Variants in MTRF1 observed in about 807,000 individuals in gnomAD.
The protein encoded by MTRF1 is peptide chain release factor 1, mitochondrial.
In MTRF1, 51 loss-of-function variants were observed where a neutral mutation model predicts 62.9. That is an observed-to-expected ratio of 0.81 (90% CI 0.65 to 1.02). MTRF1 has a LOEUF of 1.02. MTRF1 is among the 50% of genes least tolerant of loss of function. The probability of loss-of-function intolerance (pLI) is 0.00; values close to 1 mark genes in which losing one functional copy is unlikely to be tolerated. For synonymous variants in MTRF1, 158 were observed against 181.9 expected (o/e 0.87, Z 1.06); for missense variants, 446 against 530.0 (o/e 0.84, Z 1.56).
Position 41,238,890 on chromosome 13 carries a change from A to G in MTRF1, c.870+1371T>C, listed in dbSNP as rs149016357. On this transcript the variant is annotated intron_variant, in intron 6 of 9. Transcript: ENST00000379480. ...GCACAGAATGGAACATGTAGATATAACTTTCAACATAATACAGAGGATAAA... is the reference window on the plus strand; with the variant it reads ...GCACAGAATGGAACATGTAGATATAGCTTTCAACATAATACAGAGGATAAA... 3.0e-3 allele frequency among the ~76,000 whole-genome samples: 461 copies of G among 152,264 alleles called. 2 individuals are homozygous for G. The highest frequency in any genetic ancestry group is 0.014 in the Middle Eastern group (4 of 294).
intron 7 of MTRF1, among the ~76,000 whole-genome samples, chr13:41,228,460 G>A (rs1169504549): frequency 6.6e-6 from 1 of 152,148 alleles, no homozygotes; most frequent in Non-Finnish European, 1.5e-5. Context: ...CAGCTACTCA[G>A]GGGGCTGAGG....
chr13:41,306,151 G>C, the MTRF1 span, among the ~76,000 whole-genome samples: 1 of 152,156 alleles, frequency 6.6e-6, no homozygotes, highest in Admixed American at 6.5e-5. Flanking sequence ...GGGAGGCCGA[G>C]GTGGGCAGAT....
At chr13:41,218,227 C>T (rs573321547) in intron 9 of MTRF1, among the ~76,000 whole-genome samples, 5 of 151,708 alleles carry the variant, frequency 3.3e-5, no homozygotes, top group Admixed American at 1.3e-4. Context: ...GCAATCCTCC[C>T]ACCTTAGCTT....
At chr13:41,311,472 C>T in the MTRF1 span, 2 of 1,533,324 alleles carry the variant, frequency 1.3e-6, no homozygotes, top group Non-Finnish European at 1.8e-6. Flanking sequence ...CCCCGCGAAG[C>T]GGAGCGCCCG....
At chr13:41,273,170 C>CAAAA in the MTRF1 span, among the ~76,000 whole-genome samples, 1 of 151,860 alleles carries the variant, frequency 6.6e-6, no homozygotes, top group Non-Finnish European at 1.5e-5. Flanking sequence ...ACTAAAAATA[C>CAAAA]AAAAAATTAG....
At chr13:41,290,441 T>C in the MTRF1 span, among the ~76,000 whole-genome samples, 2 of 150,144 alleles carry the variant, frequency 1.3e-5, no homozygotes, top group Non-Finnish European at 3.0e-5. Context: ...TCACCCAGGC[T>C]GGAGTGCAGT....
chr13:41,307,479 C>T, the MTRF1 span, among the ~76,000 whole-genome samples: 1 of 152,088 alleles, frequency 6.6e-6, no homozygotes, highest in Non-Finnish European at 1.5e-5. Context: ...CAAAAATTAG[C>T]TGGGCATGGC....
intron 8 of MTRF1, among the ~76,000 whole-genome samples, chr13:41,224,420 C>T (rs2033980509): frequency 6.6e-6 from 1 of 152,214 alleles, no homozygotes; most frequent in Non-Finnish European, 1.5e-5. Flanking sequence ...AACTTATTGT[C>T]TTAAACCCTA....
chr13:41,274,616 T>A, the MTRF1 span, among the ~76,000 whole-genome samples: 1 of 151,810 alleles, frequency 6.6e-6, no homozygotes, highest in Non-Finnish European at 1.5e-5. Flanking sequence ...GGCTGGAATG[T>A]TTACTCCACG....
intron 9 of MTRF1, among the ~76,000 whole-genome samples, chr13:41,219,948 A>G (rs2032878832): frequency 1.4e-5 from 2 of 145,240 alleles, no homozygotes; most frequent in South Asian, 4.5e-4. Context: ...TAGCGAGCTG[A>G]GATCACACCA....
chr13:41,259,463 G>A (rs113918090), intron 2 of MTRF1, among the ~76,000 whole-genome samples: 7,533 of 152,166 alleles, frequency 0.05, 237 homozygotes, highest in Non-Finnish European at 0.076. Context: ...ACATTGGGAG[G>A]CCAAGGTGGG....
chr13:41,227,612 G>A (rs1222502114), intron 7 of MTRF1, among the ~76,000 whole-genome samples: 1 of 152,136 alleles, frequency 6.6e-6, no homozygotes, highest in African/African-American at 2.4e-5. Flanking sequence ...TCTGAGGTCC[G>A]TGTCAAATCC....
chr13:41,245,549 A>C (rs1426326987), intron 5 of MTRF1, among the ~76,000 whole-genome samples: 2 of 152,070 alleles, frequency 1.3e-5, no homozygotes, highest in African/African-American at 4.8e-5. Flanking sequence ...TCAGCCTCTT[A>C]ATTACTTATT....
At chr13:41,264,822 T>C (rs776385627), upstream of MTRF1, among the ~76,000 whole-genome samples, 37 of 152,236 alleles carry the variant, frequency 2.4e-4, no homozygotes, top group Admixed American at 3.9e-4. Context: ...TAATGATCTG[T>C]GGCTCCTAAG....
At chr13:41,308,007 G>A in the MTRF1 span, among the ~76,000 whole-genome samples, 1 of 152,096 alleles carries the variant, frequency 6.6e-6, no homozygotes, top group African/African-American at 2.4e-5. Flanking sequence ...CGCTTCCCTG[G>A]GAGATGCTGG....
Position 41,223,256 on chromosome 13 carries a change from C to T in MTRF1, c.1224G>A (p.Lys408=), listed in dbSNP as rs748500973. 6 of 1,606,344 alleles carry T rather than the reference C, an allele frequency of 3.7e-6. No homozygotes were observed. Among genetic ancestry groups the T allele is most frequent in the Non-Finnish European group, 5.1e-6 (6 of 1,173,764 alleles). Residue 408 remains lysine, a splice_region_variant and synonymous_variant, in exon 9 of 10, where the codon AAG becomes AAA. Transcript: ENST00000379480. ...HRIAYEVRDI[K]EFLCGGKGLD... is the part of the protein sequence containing the mutation. ...GGCAAAGCATACTCAGTAGTATTAC[C>T]TTAATATCACGAACTTCATATGCTA...
chr13:41,254,772 C>G, intron 2 of MTRF1, 152 bp from the exon 3 acceptor site: 2 of 536,218 alleles, frequency 3.7e-6, no homozygotes, highest in Non-Finnish European at 6.4e-6. Context: ...TGGAGAATGT[C>G]AATTAACAAG....
In MTRF1 at chr13:41,226,577, T is replaced by C. The variant is rs759674431; in HGVS notation, c.989-9A>G. ...GCATTCTACTACTAGCCCTGAAAAA[T>C]AACAGGGATCAGAAGGTAAACTGTA... On this transcript the variant is annotated splice_polypyrimidine_tract_variant and intron_variant, in intron 7 of 9. Coordinates refer to ENST00000379480, the MANE Select transcript of MTRF1 (RefSeq NM_004294.4). The C allele has an allele frequency of 1.2e-6, 2 of 1,612,950 alleles. No homozygotes were observed. Among genetic ancestry groups the C allele is most frequent in the Non-Finnish European group, 8.5e-7 (1 of 1,179,864 alleles).
the MTRF1 span, among the ~76,000 whole-genome samples, chr13:41,282,215 G>A: frequency 6.6e-6 from 1 of 151,840 alleles, no homozygotes; most frequent in East Asian, 1.9e-4. Context: ...TAGGCTAATG[G>A]CGATTGCAGA....
Sources: allele counts gnomAD v4.1 joint callset (sites outside exome capture counted in the v4.1 genomes callset), GRCh38; gene constraint gnomAD v4.1.1; transcripts MANE v1.5; gene names NCBI Gene and HGNC (gene_info 2026-07-23, HGNC 2026-07-21).